The following PTPRD variants were observed in gnomAD, a reference collection of about 807,000 sequenced individuals.
PTPRD encodes protein tyrosine phosphatase receptor type D.
In PTPRD, 34 loss-of-function variants were observed where a neutral mutation model predicts 214.5. The observed-to-expected ratio is 0.16, with a 90% CI of 0.12 to 0.21. The LOEUF (loss-of-function observed/expected upper bound fraction) is 0.21, where lower values mean the gene tolerates loss of function less well. Ranked by LOEUF, PTPRD falls within the 10% of genes least tolerant of loss-of-function variation. The pLI is 1.00. For synonymous variants in PTPRD, 1,128 were observed against 845.7 expected, an observed-to-expected ratio of 1.33 and a Z score of -5.79; for missense variants, 2,545 against 2,398.7, an observed-to-expected ratio of 1.06 and a Z score of -1.27.
intron 39 of PTPRD, among the ~76,000 whole-genome samples, chr9:8,370,449 G>C (rs916127128): frequency 6.6e-5 from 10 of 152,022 alleles, no homozygotes; most frequent in African/African-American, 2.4e-4. Context: ...TTACCTCCCT[G>C]TGCGGAATGC....
intron 33 of PTPRD, among the ~76,000 whole-genome samples, chr9:8,458,937 G>T (rs1044630675): frequency 2.0e-5 from 3 of 151,990 alleles, no homozygotes; most frequent in African/African-American, 7.2e-5. Flanking sequence ...TCTAAAATAG[G>T]ATAGGCAATT....
At chr9:10,518,813 T>C (rs1192871844) in intron 2 of PTPRD, among the ~76,000 whole-genome samples, 1 of 151,956 alleles carries the variant, frequency 6.6e-6, no homozygotes, top group East Asian at 1.9e-4. Flanking sequence ...ATTACAGGCG[T>C]GAGCCACCGC....
rs565301732 is a variant in PTPRD at position 10,515,002 on chromosome 9, A to G, written c.-600+97396T>C. Among the ~76,000 whole-genome samples, 18 of 152,172 alleles carry G rather than the reference A, an allele frequency of 1.2e-4. No individual in the cohort carries two copies. The South Asian group carries it at 3.1e-3, about 26-fold the overall frequency. On this transcript the variant is annotated intron_variant, in intron 2 of 45. Coordinates refer to ENST00000381196, the MANE Select transcript of PTPRD (RefSeq NM_002839.4). ...TCAATTGTTTTCTGAAGAGGAAAAA[A>G]GAGAGATTGTTAGTACTTAAAAAGT...
intron 2 of PTPRD, among the ~76,000 whole-genome samples, chr9:10,531,138 C>CG: frequency 6.6e-6 from 1 of 151,880 alleles, no homozygotes; most frequent in African/African-American, 2.4e-5. Flanking sequence ...TTAGTAGAGA[C>CG]GGGGTTTCAC....
intron 9 of PTPRD, among the ~76,000 whole-genome samples, chr9:9,244,982 G>C (rs1157713570): frequency 6.6e-6 from 1 of 152,188 alleles, no homozygotes; most frequent in Admixed American, 6.5e-5. Flanking sequence ...TGAAGGATAA[G>C]AACAGACACT....
intron 12 of PTPRD, among the ~76,000 whole-genome samples, chr9:8,664,497 G>T (rs559720933): frequency 2.8e-4 from 43 of 152,252 alleles, no homozygotes; most frequent in African/African-American, 8.2e-4. Context: ...ACACCAAGAA[G>T]CATGGAAAAA....
At chr9:8,416,447 C>T (rs1353373516) in intron 35 of PTPRD, among the ~76,000 whole-genome samples, 1 of 152,122 alleles carries the variant, frequency 6.6e-6, no homozygotes, top group Non-Finnish European at 1.5e-5. Context: ...GAACATTGAA[C>T]TACTTTCCAG....
At chr9:9,974,704 T>G (rs1477096014) in intron 4 of PTPRD, among the ~76,000 whole-genome samples, 1 of 152,200 alleles carries the variant, frequency 6.6e-6, no homozygotes, top group Non-Finnish European at 1.5e-5. Flanking sequence ...ATTTTATTCC[T>G]TCTTCTACCC....
At chr9:10,094,858 G>C (rs1424733009) in intron 3 of PTPRD, among the ~76,000 whole-genome samples, 1 of 151,364 alleles carries the variant, frequency 6.6e-6, no homozygotes, top group African/African-American at 2.4e-5. Context: ...TACACTAAGT[G>C]CCAGGTTTTT....
chr9:9,744,822 A>T (rs940027229), intron 6 of PTPRD, among the ~76,000 whole-genome samples: 1 of 152,044 alleles, frequency 6.6e-6, no homozygotes, highest in South Asian at 2.1e-4. Context: ...AATTCATCAC[A>T]CAGCTTTTAT....
At chr9:10,017,303 A>G (rs988522570) in intron 4 of PTPRD, among the ~76,000 whole-genome samples, 3 of 151,612 alleles carry the variant, frequency 2.0e-5, no homozygotes, top group Non-Finnish European at 4.4e-5. Flanking sequence ...CTTTTTTTTT[A>G]TCAATGTTCA....
chr9:10,430,261 C>A (rs938324052), intron 2 of PTPRD, among the ~76,000 whole-genome samples: 1 of 151,662 alleles, frequency 6.6e-6, no homozygotes, highest in Non-Finnish European at 1.5e-5. Flanking sequence ...TCATTGCAGG[C>A]AAATATTGAT....
intron 2 of PTPRD, among the ~76,000 whole-genome samples, chr9:10,592,896 C>G (rs147546884): frequency 3.8e-4 from 57 of 151,926 alleles, no homozygotes; most frequent in African/African-American, 1.1e-3. Context: ...CCACGCTAGC[C>G]CAGCAGCAGC....
At chr9:8,508,148 G>A (rs1998516) in intron 21 of PTPRD, among the ~76,000 whole-genome samples, 49,304 of 151,926 alleles carry the variant, frequency 0.32, 8,252 homozygotes, top group African/African-American at 0.42. Flanking sequence ...AAGTTTATAG[G>A]ATACACTTAT....
chr9:9,962,534 C>A (rs1306378166), intron 4 of PTPRD, among the ~76,000 whole-genome samples: 1 of 152,022 alleles, frequency 6.6e-6, no homozygotes, highest in East Asian at 1.9e-4. Flanking sequence ...GCCATTAAGC[C>A]ACAGTCAATA....
chr9:10,488,951 A>G (rs1341554814), intron 2 of PTPRD, among the ~76,000 whole-genome samples: 1 of 151,964 alleles, frequency 6.6e-6, no homozygotes, highest in Non-Finnish European at 1.5e-5. Context: ...GCTCTACCCC[A>G]CTGTATCTTA....
chr9:8,723,711 TTTA>T (rs2098526631), intron 12 of PTPRD, among the ~76,000 whole-genome samples: 1 of 152,196 alleles, frequency 6.6e-6, no homozygotes, highest in African/African-American at 2.4e-5. Flanking sequence ...ACAATGGCAT[TTTA>T]TTTTTCTCTC....
intron 5 of PTPRD, among the ~76,000 whole-genome samples, chr9:9,806,001 C>A (rs956681402): frequency 6.6e-6 from 1 of 152,106 alleles, no homozygotes; most frequent in Non-Finnish European, 1.5e-5. Flanking sequence ...GAATGGTGAT[C>A]CTAACCCTCA....
At chr9:9,855,099 T>C (rs1014761918) in intron 5 of PTPRD, among the ~76,000 whole-genome samples, 2 of 152,046 alleles carry the variant, frequency 1.3e-5, no homozygotes, top group Admixed American at 6.6e-5. Context: ...AACATTGGAG[T>C]TGTCCTGATC....
Sources: gnomAD v4.1 joint callset for allele counts (sites outside exome capture counted in the v4.1 genomes callset) on GRCh38, gnomAD v4.1.1 for gene constraint, MANE v1.5 for transcripts, NCBI Gene and HGNC (gene_info 2026-07-23, HGNC 2026-07-21) for gene names.